The following ERG variants were observed in gnomAD, a reference collection of about 807,000 sequenced individuals.
The protein encoded by ERG is transcriptional regulator ERG.
A neutral mutation model predicts 55.3 loss-of-function variants in ERG; 9 were observed. The ratio of observed to expected loss-of-function variants is 0.16; its 90% confidence interval spans 0.10 to 0.28. ERG has a LOEUF of 0.28. ERG is among the 10% of genes least tolerant of loss of function. The pLI, the probability that ERG is intolerant of heterozygous loss-of-function variation, is 1.00. For missense variants in ERG, 434 were observed against 631.6 expected (o/e 0.69, Z 3.35); for synonymous variants, 223 against 237.3 (o/e 0.94, Z 0.55).
chr21:38,410,834 T>C (rs1376436520), intron 3 of ERG, among the ~76,000 whole-genome samples: 6 of 152,150 alleles, frequency 3.9e-5, no homozygotes, highest in Admixed American at 1.3e-4. Flanking sequence ...CTGGTGATAA[T>C]GAAAGTCCTG....
chr21:38,396,645 C>T (rs899863111), intron 6 of ERG, among the ~76,000 whole-genome samples: 1 of 152,222 alleles, frequency 6.6e-6, no homozygotes, highest in Non-Finnish European at 1.5e-5. Context: ...GGTTGCAGAA[C>T]ATCATCCTTG....
the ERG span, among the ~76,000 whole-genome samples, chr21:38,372,272 T>TA: frequency 6.6e-6 from 1 of 152,002 alleles, no homozygotes; most frequent in African/African-American, 2.4e-5. Context: ...ATTAATCTTT[T>TA]AAAAAACTCC....
At chr21:38,661,294 T>G (rs1046134167) in intron 1 of ERG, among the ~76,000 whole-genome samples, 2 of 152,162 alleles carry the variant, frequency 1.3e-5, no homozygotes. Flanking sequence ...TTGAAAATAG[T>G]AAAAGTGAAA....
intron 1 of ERG, among the ~76,000 whole-genome samples, chr21:38,616,191 C>T (rs1006596356): frequency 2.6e-5 from 4 of 152,146 alleles, no homozygotes; most frequent in African/African-American, 9.7e-5. Context: ...TCCCCTTCCA[C>T]CATGATTGTA....
At chr21:38,584,473 G>A (rs1023968151) in intron 1 of ERG, among the ~76,000 whole-genome samples, 11 of 152,278 alleles carry the variant, frequency 7.2e-5, no homozygotes, top group East Asian at 5.8e-4. Flanking sequence ...TGGAAATATC[G>A]TAAAAGCACC....
Position 38,380,668 on chromosome 21 carries a change from GA to G in ERG, c.*2734del. 4 of 1,064,982 alleles carry G rather than the reference GA, an allele frequency of 3.8e-6. No homozygotes were observed. The highest frequency in any genetic ancestry group is 4.6e-6 in the Non-Finnish European group (4 of 879,110). 66.0% of individuals were successfully genotyped at this position (1,064,982 alleles called of 1,614,324 possible). A position where few individuals can be genotyped will look rare whatever the true frequency, so the allele number is the denominator to read the frequency against. Reference sequence around the variant, plus strand: ...TTAATGCCATTTTGAAACAATTTAAGAATTATGTATTTGAAGGAACTCAGTA... The same window carrying G: ...TTAATGCCATTTTGAAACAATTTAAGATTATGTATTTGAAGGAACTCAGTA... On this transcript the variant is annotated 3_prime_UTR_variant, in exon 10 of 10. Transcript: ENST00000288319.
chr21:38,484,956 T>G (rs1215136211), intron 1 of ERG, among the ~76,000 whole-genome samples: 1 of 152,170 alleles, frequency 6.6e-6, no homozygotes, highest in Non-Finnish European at 1.5e-5. Context: ...GGTTTACATA[T>G]TTACTATACC....
At chr21:38,461,244 T>C (rs1463851574) in intron 1 of ERG, among the ~76,000 whole-genome samples, 1 of 152,180 alleles carries the variant, frequency 6.6e-6, no homozygotes, top group African/African-American at 2.4e-5. Context: ...ATCTTCTCCC[T>C]GTCTCTTCAT....
intron 1 of ERG, among the ~76,000 whole-genome samples, chr21:38,480,743 T>C (rs2059231695): frequency 6.6e-6 from 1 of 152,168 alleles, no homozygotes; most frequent in South Asian, 2.1e-4. Flanking sequence ...ACTTTTCATG[T>C]AAACTCCTTT....
chr21:38,425,423 GAAAGAGAGAGAAAGA>G (rs755122666), intron 2 of ERG, among the ~76,000 whole-genome samples: 5 of 151,654 alleles, frequency 3.3e-5, no homozygotes, highest in African/African-American at 1.2e-4. Flanking sequence ...AAGAGAGAGA[GAAAGAGAGAGAAAGA>G]AAAGAGAGAG....
chr21:38,451,028 C>A, intron 1 of ERG: 1 of 432,164 alleles, frequency 2.3e-6, no homozygotes. Flanking sequence ...CACTACCTGG[C>A]TGTTACTGGA....
chr21:38,587,600 C>T (rs1601282963), upstream of ERG, among the ~76,000 whole-genome samples: 2 of 152,314 alleles, frequency 1.3e-5, no homozygotes, highest in South Asian at 2.1e-4. Flanking sequence ...TCGTGATCCA[C>T]CCGCCTCGGC....
chr21:38,600,550 C>G (rs1016384787), intron 1 of ERG, among the ~76,000 whole-genome samples: 5 of 152,166 alleles, frequency 3.3e-5, no homozygotes, highest in African/African-American at 1.2e-4. Flanking sequence ...CCCATCATGG[C>G]AGAACTGTAG....
chr21:38,443,131 C>T (rs1021416878), intron 2 of ERG, among the ~76,000 whole-genome samples: 4 of 152,164 alleles, frequency 2.6e-5, no homozygotes, highest in Non-Finnish European at 4.4e-5. Flanking sequence ...ATTTTAAATT[C>T]GGGAGTAACA....
downstream of ERG, among the ~76,000 whole-genome samples, chr21:38,376,276 G>A: frequency 6.6e-6 from 1 of 152,184 alleles, no homozygotes; most frequent in East Asian, 1.9e-4. Flanking sequence ...CTTCTAAAGA[G>A]AACTGTGGAA....
intron 9 of ERG, among the ~76,000 whole-genome samples, chr21:38,387,424 G>A (rs929933289): frequency 7.9e-5 from 12 of 152,342 alleles, no homozygotes; most frequent in African/African-American, 2.6e-4. Context: ...AAAGCATGGT[G>A]GTAGGGAGCA....
chr21:38,403,702 C>A lies in ERG; in HGVS notation c.396G>T (p.Thr132=), dbSNP rs745383134. 5 of 1,614,116 alleles carry A rather than the reference C, an allele frequency of 3.1e-6. No individual in the cohort carries two copies. Among genetic ancestry groups the A allele is most frequent in the Non-Finnish European group, 4.2e-6 (5 of 1,179,976 alleles). ...ERRVIVPADP[T]LWSTDHVRQW... ...GCCGCACATGGTCTGTACTCCATAGCGTAGGATCTGAAAGGGGTGGGAACA... is the reference window on the plus strand; with the variant it reads ...GCCGCACATGGTCTGTACTCCATAGAGTAGGATCTGAAAGGGGTGGGAACA... Residue 132 remains threonine (T), a synonymous_variant, in exon 4 of 10, where the codon ACG becomes ACT. Coordinates refer to ENST00000288319, the MANE Select transcript of ERG (RefSeq NM_182918.4).
chr21:38,614,436 TG>T (rs1473554348), intron 1 of ERG, among the ~76,000 whole-genome samples: 1 of 152,166 alleles, frequency 6.6e-6, no homozygotes, highest in Non-Finnish European at 1.5e-5. Context: ...TCTGGGTTTC[TG>T]GGAAATCCTG....
intron 1 of ERG, among the ~76,000 whole-genome samples, chr21:38,629,422 A>G (rs899557558): frequency 6.6e-6 from 1 of 152,228 alleles, no homozygotes; most frequent in Non-Finnish European, 1.5e-5. Flanking sequence ...AGAAGATAAC[A>G]TTGATTTTTT....
Sources: allele counts gnomAD v4.1 joint callset (sites outside exome capture counted in the v4.1 genomes callset), GRCh38; gene constraint gnomAD v4.1.1; transcripts MANE v1.5; gene names NCBI Gene and HGNC (gene_info 2026-07-23, HGNC 2026-07-21).